RLF: variants seen among roughly 807,000 people sequenced by gnomAD.
The protein encoded by RLF is zinc finger protein Rlf.
RLF carries 7 observed loss-of-function variants against 162.9 expected under a neutral mutation model. The observed-to-expected ratio is 0.04, with a 90% CI of 0.02 to 0.08. The LOEUF (loss-of-function observed/expected upper bound fraction) is 0.08, where lower values mean the gene tolerates loss of function less well. RLF is among the 10% of genes least tolerant of loss of function. The pLI is 1.00. For synonymous variants in RLF, 782 were observed against 791.5 expected, an observed-to-expected ratio of 0.99 and a Z score of 0.20; for missense variants, 1,664 against 2,244.7, an observed-to-expected ratio of 0.74 and a Z score of 5.23.
chr1:40,224,197 C>T (rs1557757230), intron 6 of RLF, among the ~76,000 whole-genome samples: 2 of 152,018 alleles, frequency 1.3e-5, no homozygotes, highest in Non-Finnish European at 2.9e-5. Flanking sequence ...ATGGAGATTT[C>T]CCTTTGTGGC....
At chr1:40,181,417 G>A (rs1007509526) in intron 1 of RLF, among the ~76,000 whole-genome samples, 3 of 152,120 alleles carry the variant, frequency 2.0e-5, no homozygotes, top group African/African-American at 4.8e-5. Context: ...GCAGCAGAGC[G>A]AGACTCCATC....
At chr1:40,221,029 A>C (rs1642986491) in intron 5 of RLF, among the ~76,000 whole-genome samples, 1 of 151,858 alleles carries the variant, frequency 6.6e-6, no homozygotes, top group Admixed American at 6.6e-5. Context: ...CTCCTTGAGA[A>C]ACTGAGGCAG....
intron 1 of RLF, among the ~76,000 whole-genome samples, chr1:40,164,589 A>C (rs1642140370): frequency 6.6e-6 from 1 of 152,220 alleles, no homozygotes; most frequent in Non-Finnish European, 1.5e-5. Context: ...AGTGTGGATA[A>C]GATTAACTTT....
chr1:40,207,389 C>G (rs61781769), intron 5 of RLF, among the ~76,000 whole-genome samples: 7,914 of 152,156 alleles, frequency 0.052, 601 homozygotes, highest in African/African-American at 0.17. Flanking sequence ...TTATATTTCT[C>G]TCTCTCAGCT....
In RLF at chr1:40,239,282, C is replaced by T; in HGVS notation, c.4580C>T (p.Pro1527Leu). ...GGCTTAATCAAAGAAAAGAAAGCCC[C>T]AATAAGTTTTAAAACCAGAGCTGAG... is the stretch of plus-strand genomic sequence containing the variant. ...KCGLIKEKKA[P>L]ISFKTRAEAL... Residue 1527 changes from proline (P) to leucine (L), a missense_variant, in exon 8 of 8, where the codon CCA becomes CTA. Pro to Leu is a moderately conservative substitution (Grantham distance 98). Transcript: ENST00000372771. 2 of 1,614,004 alleles carry T rather than the reference C, an allele frequency of 1.2e-6. No homozygotes were observed. Among genetic ancestry groups the T allele is most frequent in the African/African-American group, 2.7e-5 (2 of 74,982 alleles).
At chr1:40,202,216 T>C (rs1410961711) in intron 4 of RLF, among the ~76,000 whole-genome samples, 196 bp from the exon 5 acceptor site, 1 of 152,230 alleles carries the variant, frequency 6.6e-6, no homozygotes, top group Non-Finnish European at 1.5e-5. Flanking sequence ...TTTATGCTTA[T>C]AGTTCATTTC....
At chr1:40,185,856 A>C (rs1431037820) in intron 1 of RLF, among the ~76,000 whole-genome samples, 4 of 147,802 alleles carry the variant, frequency 2.7e-5, no homozygotes, top group African/African-American at 9.9e-5. Flanking sequence ...AAAAAAAAAA[A>C]AAAAAAAAAC....
intron 1 of RLF, among the ~76,000 whole-genome samples, chr1:40,184,614 A>ATTTG (rs1642447482): frequency 1.3e-5 from 2 of 152,212 alleles, no homozygotes; most frequent in African/African-American, 4.8e-5. Context: ...GTTGAGGTAT[A>ATTTG]TAGCAAGGAC....
At chr1:40,162,610 G>T (rs921551967) in intron 1 of RLF, among the ~76,000 whole-genome samples, 1 of 152,272 alleles carries the variant, frequency 6.6e-6, no homozygotes, top group Non-Finnish European at 1.5e-5. Flanking sequence ...AAATTGCGGC[G>T]TTCTAAAATA....
chr1:40,175,344 A>G (rs536412163), intron 1 of RLF, among the ~76,000 whole-genome samples: 1 of 151,952 alleles, frequency 6.6e-6, no homozygotes, highest in Non-Finnish European at 1.5e-5. Flanking sequence ...GAACCTAACA[A>G]GATTTCACTT....
At chr1:40,170,146 A>G (rs1453549828) in intron 1 of RLF, among the ~76,000 whole-genome samples, 2 of 152,070 alleles carry the variant, frequency 1.3e-5, no homozygotes, top group East Asian at 1.9e-4. Flanking sequence ...TTTTTCCACT[A>G]CAATAAAGCA....
At position 40,237,593 on chromosome 1, in the gene RLF, C is replaced by T. The variant is rs1331053413; in HGVS notation, c.2891C>T (p.Thr964Ile). 2.5e-6 allele frequency: 4 copies of T among 1,614,076 alleles called. No homozygotes were observed. Among genetic ancestry groups the T allele is most frequent in the Non-Finnish European group, 3.4e-6 (4 of 1,179,982 alleles). Residue 964 changes from threonine (T) to isoleucine (I), a missense_variant, in exon 8 of 8, where the codon ACA becomes ATA. This residue lies in a region of RLF where 295 missense variants were observed against 317.4 expected (regional missense o/e 0.93). Coordinates refer to ENST00000372771, the MANE Select transcript of RLF (RefSeq NM_012421.4). This position sits in a 1 kb window ranked among gnomAD's most constrained non-coding sequence, Gnocchi z 4.4. ...FTCGFDGCGS[T>I]YKNARGMQKH... ...TGTGGTTTTGATGGCTGTGGTTCCA[C>T]ATACAAAAATGCAAGAGGAATGCAG...
chr1:40,164,528 T>C (rs761937252), intron 1 of RLF, among the ~76,000 whole-genome samples: 1 of 152,226 alleles, frequency 6.6e-6, no homozygotes, highest in Non-Finnish European at 1.5e-5. Context: ...CTATGGGATG[T>C]GGTTTGTTTT....
intron 5 of RLF, 108 bp from the exon 6 acceptor site, chr1:40,222,466 A>G: frequency 1.0e-6 from 1 of 966,704 alleles, no homozygotes; most frequent in Non-Finnish European, 1.5e-6. Flanking sequence ...TTAGCAGGAG[A>G]AAATTATGTC....
At position 40,235,941 on chromosome 1, in the gene RLF, G is replaced by C. The variant is rs996922935; in HGVS notation, c.1239G>C (p.Gln413His). Residue 413 changes from glutamine to histidine, a missense_variant, in exon 8 of 8, where the codon CAG becomes CAC. Physicochemically the swap from Gln to His is conservative, Grantham distance 24. This residue lies in a region of RLF where 287 missense variants were observed against 404.9 expected (regional missense o/e 0.71). Transcript: ENST00000372771. ...PEDLEVRRAC[Q>H]LTEFLIEPSL... ...ATTTAGAAGTTAGACGAGCCTGTCA[G>C]CTTACAGAATTCTTAATTGAACCCA... The C allele has an allele frequency of 2.5e-6, 4 of 1,613,934 alleles. No homozygotes were observed. The highest frequency in any genetic ancestry group is 1.7e-5 in the Admixed American group (1 of 59,990).
At chr1:40,203,697 C>T (rs1190203767) in intron 5 of RLF, among the ~76,000 whole-genome samples, 1 of 152,074 alleles carries the variant, frequency 6.6e-6, no homozygotes, top group Non-Finnish European at 1.5e-5. Context: ...ATTTCATCAT[C>T]TACCTTTAAT....
intron 1 of RLF, among the ~76,000 whole-genome samples, chr1:40,186,352 A>G (rs1336502223): frequency 6.6e-6 from 1 of 152,160 alleles, no homozygotes; most frequent in Non-Finnish European, 1.5e-5. Flanking sequence ...GTATGCTTAT[A>G]GTGGGTATAA....
intron 6 of RLF, among the ~76,000 whole-genome samples, chr1:40,229,382 G>A (rs1643123226): frequency 6.6e-6 from 1 of 151,166 alleles, no homozygotes; most frequent in African/African-American, 2.4e-5. Flanking sequence ...ATATTTAAAG[G>A]CATTTTAAAT....
chr1:40,195,449 T>TA (rs75503457), intron 3 of RLF, among the ~76,000 whole-genome samples, 183 bp from the exon 4 acceptor site: 202 of 141,716 alleles, frequency 1.4e-3, no homozygotes, highest in South Asian at 6.8e-3. Context: ...ATTCTGTCTT[T>TA]AAAAAAAAAA....
Sources: allele counts gnomAD v4.1 joint callset (sites outside exome capture counted in the v4.1 genomes callset), GRCh38; gene constraint gnomAD v4.1.1; regional missense constraint gnomAD v4.1.1; non-coding constraint Gnocchi (gnomAD v3.1); transcripts MANE v1.5; gene names NCBI Gene and HGNC (gene_info 2026-07-23, HGNC 2026-07-21).